Variants in INTS8 observed in about 807,000 individuals in gnomAD.
INTS8 encodes integrator complex subunit 8, also known as protein kaonashi-1.
In INTS8, 47 loss-of-function variants were observed where a neutral mutation model predicts 138.9. That is an observed-to-expected ratio of 0.34 (90% CI 0.27 to 0.43). INTS8 has a LOEUF of 0.43. Ranked by LOEUF, INTS8 falls within the 20% of genes least tolerant of loss-of-function variation. INTS8 has a pLI of 1.00. For synonymous variants in INTS8, 392 were observed against 400.9 expected, an observed-to-expected ratio of 0.98 and a Z score of 0.27; for missense variants, 996 against 1,173.0, an observed-to-expected ratio of 0.85 and a Z score of 2.20.
At chr8:94,862,667 G>A (rs1816035089) in intron 16 of INTS8, among the ~76,000 whole-genome samples, 1 of 152,170 alleles carries the variant, frequency 6.6e-6, no homozygotes, top group Admixed American at 6.5e-5. Context: ...TCACTTAGAT[G>A]TCTCTTCATA....
At chr8:94,843,630 G>A (rs1264400583) in intron 10 of INTS8, among the ~76,000 whole-genome samples, 3 of 152,092 alleles carry the variant, frequency 2.0e-5, no homozygotes, top group Non-Finnish European at 4.4e-5. Flanking sequence ...TATGATGGGG[G>A]ACATTTGTGT....
intron 6 of INTS8, among the ~76,000 whole-genome samples, chr8:94,835,504 G>GTGC (rs1814889502): frequency 6.6e-6 from 1 of 151,980 alleles, no homozygotes; most frequent in African/African-American, 2.4e-5. Context: ...TACGGTAGAC[G>GTGC]TGCACCATCT....
chr8:94,826,840 T>A (rs1419512308), intron 2 of INTS8, among the ~76,000 whole-genome samples: 1 of 152,204 alleles, frequency 6.6e-6, no homozygotes, highest in Non-Finnish European at 1.5e-5. Context: ...GCACGGTGGC[T>A]CACGCCTGTA....
chr8:94,847,220 T>G (rs914378451), intron 10 of INTS8, among the ~76,000 whole-genome samples: 6 of 152,188 alleles, frequency 3.9e-5, no homozygotes, highest in Admixed American at 1.3e-4. Context: ...TTTTGTAGTT[T>G]TATTAGAGAC....
chr8:94,875,148 T>C (rs1341457734), intron 23 of INTS8, among the ~76,000 whole-genome samples: 1 of 152,186 alleles, frequency 6.6e-6, no homozygotes, highest in Non-Finnish European at 1.5e-5. Flanking sequence ...TGAAAACATA[T>C]GTCCACAGAA....
intron 11 of INTS8, 25 bp downstream of exon 11, chr8:94,849,557 C>CT (rs370192003): frequency 0.012 from 12,554 of 1,088,316 alleles, no homozygotes; most frequent in South Asian, 0.015. Context: ...TTTCTTTTTT[C>CT]TTTTTTTTTT....
chr8:94,862,622 G>A (rs1386504766), intron 16 of INTS8, among the ~76,000 whole-genome samples: 1 of 152,186 alleles, frequency 6.6e-6, no homozygotes, highest in Non-Finnish European at 1.5e-5. Flanking sequence ...GGTCCAAAAG[G>A]AGGAAGGATG....
chr8:94,850,981 A>C (rs923121814), intron 12 of INTS8, among the ~76,000 whole-genome samples: 1 of 152,214 alleles, frequency 6.6e-6, no homozygotes, highest in Non-Finnish European at 1.5e-5. Context: ...CCTTCACTAG[A>C]TTTAAACTGG....
intron 5 of INTS8, among the ~76,000 whole-genome samples, chr8:94,831,025 T>C (rs1814694009): frequency 6.6e-6 from 1 of 152,210 alleles, no homozygotes; most frequent in Non-Finnish European, 1.5e-5. Context: ...CTTGAACTCC[T>C]GACCTCGTGA....
At chr8:94,867,033 A>C in intron 18 of INTS8, 107 bp from the exon 19 acceptor site, 1 of 886,454 alleles carries the variant, frequency 1.1e-6, no homozygotes, top group Non-Finnish European at 1.7e-6. Flanking sequence ...CTACATTTTC[A>C]AAAGGCAAGG....
At position 94,858,527 on chromosome 8, in the gene INTS8, GAGAA is replaced by G. The variant is rs1353069870; in HGVS notation, c.1955-979_1955-976del. Among the ~76,000 whole-genome samples, 3 of 152,198 alleles carry G rather than the reference GAGAA, an allele frequency of 2.0e-5. No homozygotes were observed. The East Asian group carries it at 5.8e-4, about 29-fold the overall frequency. ...TTTTCCATACATGGTTTTCTAAAAT[GAGAA>G]AGAATGTTTAAACCCTAATGTTTGT... On this transcript the variant is annotated intron_variant, in intron 15 of 26. Transcript: ENST00000523731.
chr8:94,835,054 T>G (rs957267829), intron 6 of INTS8, among the ~76,000 whole-genome samples: 1 of 152,206 alleles, frequency 6.6e-6, no homozygotes, highest in African/African-American at 2.4e-5. Flanking sequence ...TTAGGCCACA[T>G]TCTGAGATCC....
rs765203591 is a variant in INTS8, at chr8:94,867,099, T to C, written c.2296-41T>C. ...TGACAGGAGCAATATTAAATAAATA[T>C]ACATACACTGTTTAAGGATTCTGTG... is the stretch of plus-strand genomic sequence containing the variant. On this transcript the variant is annotated intron_variant, in intron 18 of 26. Transcript: ENST00000523731. 43 of 1,429,142 alleles carry C rather than the reference T, an allele frequency of 3.0e-5. 1 individual carries two copies. Among genetic ancestry groups the C allele is most frequent in the African/African-American group, 2.9e-4 (20 of 70,100 alleles). The allele number at this position is 1,429,142 out of a possible 1,614,324, so 88.5% of individuals were successfully genotyped here.
intron 3 of INTS8, 34 bp downstream of exon 3, chr8:94,827,437 C>A (rs1250130858): frequency 3.1e-6 from 5 of 1,608,142 alleles, no homozygotes; most frequent in Non-Finnish European, 3.4e-6. Flanking sequence ...AGGCGTTGGG[C>A]AACCTCTGTT....
chr8:94,861,296 C>G (rs1815968604), intron 16 of INTS8, among the ~76,000 whole-genome samples: 1 of 69,134 alleles, frequency 1.4e-5, no homozygotes, highest in Non-Finnish European at 2.5e-5. Flanking sequence ...GAGTCTCGCT[C>G]TGTCGCCCAG....
At position 94,836,599 on chromosome 8, in the gene INTS8, A is replaced by G; in HGVS notation, c.829A>G (p.Lys277Glu). 1 of 1,613,688 alleles carries G rather than the reference A, an allele frequency of 6.2e-7. No individual in the cohort carries two copies. The highest frequency in any genetic ancestry group is 8.5e-7 in the Non-Finnish European group (1 of 1,179,642). Residue 277 changes from lysine to glutamate, a missense_variant, in exon 7 of 27, where the codon AAA (lysine) becomes GAA (glutamate). Lys to Glu is a moderately conservative substitution (Grantham distance 56). Coordinates refer to ENST00000523731, the MANE Select transcript of INTS8 (RefSeq NM_017864.4). ...NSAVYENARE[K>E]FFRTKELIAE... ...AGCTGTCTATGAAAATGCCAGGGAA[A>G]AATTTTTTAGAACCAAAGAACTAAT... is the stretch of plus-strand genomic sequence containing the variant.
intron 6 of INTS8, among the ~76,000 whole-genome samples, chr8:94,833,738 G>C (rs1814812854): frequency 6.6e-6 from 1 of 151,998 alleles, no homozygotes; most frequent in Non-Finnish European, 1.5e-5. Context: ...TTTTTGAAGG[G>C]CAAATTAGTG....
At chr8:94,834,944 G>A (rs1202507201) in intron 6 of INTS8, among the ~76,000 whole-genome samples, 1 of 152,180 alleles carries the variant, frequency 6.6e-6, no homozygotes, top group African/African-American at 2.4e-5. Flanking sequence ...GGAGTAAGGG[G>A]TGTGGAATGA....
chr8:94,859,679 C>A, intron 16 of INTS8, 47 bp downstream of exon 16: 1 of 1,478,268 alleles, frequency 6.8e-7, no homozygotes, highest in Non-Finnish European at 9.4e-7. Context: ...TATTATTATA[C>A]TTGTTTCTTT....
Sources: gnomAD v4.1 joint callset for allele counts (sites outside exome capture counted in the v4.1 genomes callset) on GRCh38, gnomAD v4.1.1 for gene constraint, MANE v1.5 for transcripts, NCBI Gene and HGNC (gene_info 2026-07-23, HGNC 2026-07-21) for gene names.